Variants in MKLN1 observed in about 807,000 individuals in gnomAD.
MKLN1 encodes muskelin.
MKLN1 carries 18 observed loss-of-function variants against 99.0 expected under a neutral mutation model. The ratio of observed to expected loss-of-function variants is 0.18; its 90% CI spans 0.13 to 0.27. MKLN1 has a LOEUF of 0.27. Ranked by LOEUF, MKLN1 falls within the 10% of genes least tolerant of loss-of-function variation. MKLN1 has a pLI of 1.00. For missense variants in MKLN1, 621 were observed against 875.9 expected, an observed-to-expected ratio of 0.71 and a Z score of 3.67; for synonymous variants, 288 against 293.2, an observed-to-expected ratio of 0.98 and a Z score of 0.18.
chr7:131,377,575 C>G (rs542114690), intron 2 of MKLN1, among the ~76,000 whole-genome samples: 3 of 151,956 alleles, frequency 2.0e-5, no homozygotes, highest in Admixed American at 6.5e-5. Context: ...TATTAATGAT[C>G]TTTTCTGAAA....
At chr7:131,420,957 G>A (rs1045406078) in intron 8 of MKLN1, among the ~76,000 whole-genome samples, 1 of 152,106 alleles carries the variant, frequency 6.6e-6, no homozygotes, top group African/African-American at 2.4e-5. Flanking sequence ...AGGTTATTAT[G>A]TCATTTATTA....
At chr7:131,162,959 A>T (rs962568997) in intron 2 of MKLN1, among the ~76,000 whole-genome samples, 1 of 152,216 alleles carries the variant, frequency 6.6e-6, no homozygotes, top group Non-Finnish European at 1.5e-5. Context: ...TTATGTTTCT[A>T]TTGGACAGCA....
At chr7:131,301,697 C>T (rs937545130) in intron 3 of MKLN1, among the ~76,000 whole-genome samples, 2 of 152,166 alleles carry the variant, frequency 1.3e-5, no homozygotes, top group Non-Finnish European at 2.9e-5. Context: ...CTGACCTGCT[C>T]TCCAAACTTC....
intron 1 of MKLN1, among the ~76,000 whole-genome samples, chr7:131,129,941 C>T (rs1795525285): frequency 1.3e-5 from 2 of 152,068 alleles, no homozygotes; most frequent in Admixed American, 1.3e-4. Flanking sequence ...AAAATATTAA[C>T]AGTGGCAATA....
intron 17 of MKLN1, among the ~76,000 whole-genome samples, chr7:131,485,797 C>CA (rs1414455762): frequency 6.6e-6 from 1 of 151,910 alleles, no homozygotes; most frequent in South Asian, 2.1e-4. Context: ...TCATTAAAGT[C>CA]AAAGAGAGGC....
chr7:131,480,129 A>G (rs1002194272), intron 17 of MKLN1, among the ~76,000 whole-genome samples: 1 of 151,808 alleles, frequency 6.6e-6, no homozygotes, highest in African/African-American at 2.4e-5. Flanking sequence ...AGGATAACTT[A>G]TGATAGCTTC....
intron 3 of MKLN1, among the ~76,000 whole-genome samples, chr7:131,225,192 C>T (rs1797128731): frequency 6.6e-6 from 1 of 152,112 alleles, no homozygotes; most frequent in Admixed American, 6.5e-5. Flanking sequence ...TTGTTTGTCA[C>T]AGTTCTAGAG....
At chr7:131,187,951 G>A (rs1209816297) in intron 2 of MKLN1, among the ~76,000 whole-genome samples, 1 of 151,920 alleles carries the variant, frequency 6.6e-6, no homozygotes, top group Non-Finnish European at 1.5e-5. Flanking sequence ...GTGAGACTCT[G>A]TCTCAAAAAA....
chr7:131,401,286 T>C (rs139819925), intron 6 of MKLN1, among the ~76,000 whole-genome samples: 2,359 of 152,280 alleles, frequency 0.015, 51 homozygotes, highest in African/African-American at 0.053. Context: ...GAAACATCAC[T>C]GTATTTACAT....
intron 4 of MKLN1, among the ~76,000 whole-genome samples, chr7:131,393,699 T>C (rs1563326463): frequency 6.6e-6 from 1 of 152,180 alleles, no homozygotes; most frequent in Non-Finnish European, 1.5e-5. Context: ...TGGTCATAGC[T>C]CACTGTAACA....
At chr7:131,210,349 G>A (rs898943588) in intron 3 of MKLN1, among the ~76,000 whole-genome samples, 17 of 151,958 alleles carry the variant, frequency 1.1e-4, no homozygotes, top group South Asian at 4.2e-4. Flanking sequence ...TGGGCAACAC[G>A]GAGAAACCCT....
chr7:131,181,660 A>ATTTT (rs3078424), intron 2 of MKLN1, among the ~76,000 whole-genome samples: 1 of 135,948 alleles, frequency 7.4e-6, no homozygotes, highest in East Asian at 2.1e-4. Context: ...CCTCATCCCT[A>ATTTT]TTTTTTTTTT....
At chr7:131,227,210 G>A (rs574060460) in intron 3 of MKLN1, among the ~76,000 whole-genome samples, 4 of 152,244 alleles carry the variant, frequency 2.6e-5, no homozygotes, top group South Asian at 2.1e-4. Flanking sequence ...TTATCAGAAC[G>A]TTCTTCCAGG....
At chr7:131,190,915 A>T (rs938192552) in intron 2 of MKLN1, among the ~76,000 whole-genome samples, 4 of 152,230 alleles carry the variant, frequency 2.6e-5, no homozygotes, top group African/African-American at 9.6e-5. Flanking sequence ...GACCACTGCT[A>T]TTTAATCCTA....
At chr7:131,139,403 C>G (rs1336795911) in intron 1 of MKLN1, among the ~76,000 whole-genome samples, 2 of 151,940 alleles carry the variant, frequency 1.3e-5, no homozygotes, top group Non-Finnish European at 2.9e-5. Context: ...GACTCACCTT[C>G]GCTCCCCAGG....
chr7:131,239,928 T>C (rs1292919794), intron 3 of MKLN1, among the ~76,000 whole-genome samples: 2 of 152,164 alleles, frequency 1.3e-5, no homozygotes, highest in East Asian at 3.8e-4. Context: ...ACGCCTATAA[T>C]CCCAGCACTT....
chr7:131,482,633 A>G (rs1165465557), intron 17 of MKLN1, among the ~76,000 whole-genome samples: 2 of 152,148 alleles, frequency 1.3e-5, no homozygotes, highest in East Asian at 3.8e-4. Flanking sequence ...GTGGTGTGAG[A>G]TGGAAGAATC....
chr7:131,478,413 G>T, intron 16 of MKLN1: 1 of 426,482 alleles, frequency 2.3e-6, no homozygotes, highest in Non-Finnish European at 4.0e-6. Flanking sequence ...CAGTATTTTA[G>T]AAAATGATAA....
intron 2 of MKLN1, among the ~76,000 whole-genome samples, chr7:131,150,628 A>G (rs974160243): frequency 6.7e-6 from 1 of 149,832 alleles, no homozygotes; most frequent in Non-Finnish European, 1.5e-5. Context: ...TATGTGCAGT[A>G]TATAATAATC....
Sources: gnomAD v4.1 joint callset for allele counts (sites outside exome capture counted in the v4.1 genomes callset) on GRCh38, gnomAD v4.1.1 for gene constraint, MANE v1.5 for transcripts, NCBI Gene and HGNC (gene_info 2026-07-23, HGNC 2026-07-21) for gene names.